Variants in WWOX observed in about 807,000 individuals in gnomAD.
WWOX encodes WW domain-containing oxidoreductase.
In WWOX, 69 loss-of-function variants were observed where a neutral mutation model predicts 46.2. That is an observed-to-expected ratio of 1.49 (90% CI 1.23 to 1.82). The LOEUF (loss-of-function observed/expected upper bound fraction) is 1.82, where lower values mean the gene tolerates loss of function less well. WWOX is among the 40% of genes most tolerant of loss of function. The pLI is 0.00. For missense variants in WWOX, 919 were observed against 542.6 expected (o/e 1.69, Z -6.89); for synonymous variants, 359 against 202.6 (o/e 1.77, Z -6.56).
At chr16:78,506,466 C>T (rs2085206542) in intron 8 of WWOX, 1 of 152,226 alleles carries the variant, frequency 6.6e-6, no homozygotes, top group Admixed American at 6.5e-5. Context: ...TATTCAGAGT[C>T]TCCAAGACTG....
chr16:78,563,109 T>C (rs557921204), intron 8 of WWOX, among the ~76,000 whole-genome samples: 4 of 152,170 alleles, frequency 2.6e-5, no homozygotes, highest in African/African-American at 9.7e-5. Flanking sequence ...GAAAGTTGTC[T>C]TGTGAGGCTT....
intron 5 of WWOX, among the ~76,000 whole-genome samples, chr16:78,213,120 G>A (rs1340792752): frequency 6.6e-6 from 1 of 151,788 alleles, no homozygotes; most frequent in African/African-American, 2.4e-5. Flanking sequence ...GTATGGTGAC[G>A]TGCACCTGTA....
At chr16:78,234,294 C>A (rs9928203) in intron 5 of WWOX, among the ~76,000 whole-genome samples, 79,222 of 151,848 alleles carry the variant, frequency 0.52, 21,075 homozygotes, top group Admixed American at 0.67. Flanking sequence ...TATGACTATT[C>A]ATTTTGATGT....
At chr16:78,771,773 C>CAATAAATAAATA (rs60862470) in intron 8 of WWOX, among the ~76,000 whole-genome samples, 1 of 144,386 alleles carries the variant, frequency 6.9e-6, no homozygotes, top group Non-Finnish European at 1.5e-5. Context: ...CTCTGTCTCA[C>CAATAAATAAATA]AATAAATAAA....
chr16:78,369,186 C>T (rs1270249882), intron 5 of WWOX, among the ~76,000 whole-genome samples: 2 of 152,064 alleles, frequency 1.3e-5, no homozygotes, highest in African/African-American at 2.4e-5. Flanking sequence ...TCAGGGCTTA[C>T]TGTGTGCTAG....
chr16:78,165,152 C>T (rs567195980), intron 5 of WWOX, among the ~76,000 whole-genome samples: 40 of 152,138 alleles, frequency 2.6e-4, no homozygotes, highest in Admixed American at 2.2e-3. Flanking sequence ...TCTGAGATAG[C>T]GGTGAGGAAG....
chr16:78,623,272 C>A (rs2046232386), intron 8 of WWOX, among the ~76,000 whole-genome samples: 1 of 152,164 alleles, frequency 6.6e-6, no homozygotes, highest in South Asian at 2.1e-4. Flanking sequence ...AATGTGTACA[C>A]CCTGGATAGT....
intron 8 of WWOX, among the ~76,000 whole-genome samples, chr16:78,439,155 T>C (rs748701354): frequency 2.6e-5 from 4 of 152,182 alleles, no homozygotes; most frequent in Non-Finnish European, 2.9e-5. Flanking sequence ...GCAGAGGGTG[T>C]ATAAAACAGG....
At chr16:78,861,775 A>G (rs1027966357) in intron 8 of WWOX, among the ~76,000 whole-genome samples, 10 of 152,226 alleles carry the variant, frequency 6.6e-5, no homozygotes, top group African/African-American at 7.2e-5. Flanking sequence ...AGTTGGTTGA[A>G]TAGTTTCTGT....
At chr16:78,370,455 G>C (rs2081647659) in intron 5 of WWOX, among the ~76,000 whole-genome samples, 1 of 151,828 alleles carries the variant, frequency 6.6e-6, no homozygotes, top group Admixed American at 6.6e-5. Flanking sequence ...GGAAAAAGGA[G>C]AGAAATATAT....
intron 8 of WWOX, among the ~76,000 whole-genome samples, chr16:79,017,658 T>C (rs147774659): frequency 1.1e-4 from 16 of 152,206 alleles, no homozygotes; most frequent in Non-Finnish European, 2.1e-4. Context: ...AGTTTATTTA[T>C]AGACACTGAA....
At chr16:79,011,127 T>TC (rs1195598532) in intron 8 of WWOX, among the ~76,000 whole-genome samples, 19 of 124,930 alleles carry the variant, frequency 1.5e-4, no homozygotes, top group Non-Finnish European at 2.7e-4. Context: ...ATCTACTCAC[T>TC]CACACATCCA....
intron 8 of WWOX, among the ~76,000 whole-genome samples, chr16:78,613,864 G>A (rs1189102525): frequency 6.6e-6 from 1 of 152,166 alleles, no homozygotes; most frequent in East Asian, 1.9e-4. Flanking sequence ...TGTATTACAG[G>A]GGTCAGCAAA....
At chr16:79,010,847 C>A (rs549394304) in intron 8 of WWOX, among the ~76,000 whole-genome samples, 6 of 151,766 alleles carry the variant, frequency 4.0e-5, no homozygotes, top group Non-Finnish European at 8.8e-5. Context: ...GTCTGGTGGC[C>A]TGTGTGGTGA....
intron 5 of WWOX, among the ~76,000 whole-genome samples, chr16:78,353,191 T>G (rs917246654): frequency 6.6e-6 from 1 of 152,186 alleles, no homozygotes; most frequent in South Asian, 2.1e-4. Context: ...TCTTAGCAAC[T>G]CTTCATTGCT....
chr16:78,345,458 CAAAAAAAAAAAAAAAAAAAAAAAA>C (rs71137889), intron 5 of WWOX, among the ~76,000 whole-genome samples: 1 of 26,780 alleles, frequency 3.7e-5, no homozygotes, highest in African/African-American at 8.4e-5. Context: ...CCATCGCTAC[CAAAAAAAAAAAAAAAAAAAAAAAA>C]AAAAAAAAAA....
intron 8 of WWOX, among the ~76,000 whole-genome samples, chr16:79,088,881 A>G (rs1439771844): frequency 1.3e-5 from 2 of 152,174 alleles, no homozygotes; most frequent in Admixed American, 1.3e-4. Context: ...TACTGAACAT[A>G]TTGATCACCT....
intron 8 of WWOX, among the ~76,000 whole-genome samples, chr16:78,886,056 C>G (rs888840104): frequency 1.3e-5 from 2 of 151,486 alleles, no homozygotes; most frequent in Non-Finnish European, 2.9e-5. Context: ...TCCTGAGTAG[C>G]TGGGATTACA....
intron 8 of WWOX, among the ~76,000 whole-genome samples, chr16:78,722,551 C>G (rs141779281): frequency 1.3e-5 from 2 of 151,968 alleles, no homozygotes; most frequent in African/African-American, 2.4e-5. Flanking sequence ...GAGTACAAAG[C>G]GAGGAGTTTT....
Sources: allele counts gnomAD v4.1 joint callset (sites outside exome capture counted in the v4.1 genomes callset), GRCh38; gene constraint gnomAD v4.1.1; transcripts MANE v1.5; gene names NCBI Gene and HGNC (gene_info 2026-07-23, HGNC 2026-07-21).